Variants in CFTR observed in about 807,000 individuals in gnomAD.
CFTR encodes the protein cystic fibrosis transmembrane conductance regulator.
Under a neutral mutation model 171.6 loss-of-function variants are expected in CFTR, and 181 were observed. That is an observed-to-expected ratio of 1.05 (90% CI 0.93 to 1.19). CFTR has a LOEUF of 1.19. CFTR is among the 50% of genes most tolerant of loss of function. The probability of loss-of-function intolerance (pLI) is 0.00; values close to 1 mark genes in which losing one functional copy is unlikely to be tolerated. For synonymous variants in CFTR, 583 were observed against 608.0 expected (o/e 0.96, Z 0.60); for missense variants, 1,968 against 1,734.7 (o/e 1.13, Z -2.39).
rs185555528 is a variant in CFTR at position 117,506,482 on chromosome 7, G to A, written c.164+2119G>A. Among the ~76,000 whole-genome samples, 72 of 152,282 alleles carry A rather than the reference G, an allele frequency of 4.7e-4. No homozygotes were observed. The East Asian group carries it at 0.013, about 27-fold the overall frequency. On this transcript the variant is annotated intron_variant, in intron 2 of 26. Transcript: ENST00000003084. ...GCTGGTCTTGAACTCCTGACCTCAA[G>A]TGATCTGCCCACCTTGGCCTCCCAA...
chr7:117,625,956 T>C (rs1792643101), intron 21 of CFTR, among the ~76,000 whole-genome samples: 2 of 152,142 alleles, frequency 1.3e-5, no homozygotes, highest in South Asian at 2.1e-4. Context: ...ATATTACATG[T>C]GGAACAATCA....
At chr7:117,488,572 T>C (rs1798109219) in intron 1 of CFTR, among the ~76,000 whole-genome samples, 1 of 152,148 alleles carries the variant, frequency 6.6e-6, no homozygotes, top group African/African-American at 2.4e-5. Context: ...CTCTATCTTA[T>C]CTATCTTGTG....
At position 117,548,626 on chromosome 7, in the gene CFTR, G is replaced by GT. The variant is rs775751830; in HGVS notation, c.1210-14dup. 11 of 1,480,840 alleles carry GT rather than the reference G, an allele frequency of 7.4e-6. No individual in the cohort carries two copies. The highest frequency in any genetic ancestry group is 3.6e-5 in the South Asian group (3 of 84,344). The allele number at this position is 1,480,840 out of a possible 1,614,324, so 91.7% of individuals were successfully genotyped here. A position where few individuals can be genotyped will look rare whatever the true frequency, so the allele number is the denominator to read the frequency against. ...TTTTGATGTGTGTGTGTGTGTGTGTGTGTTTTTTTAACAGGGATTTGGGGA... is the reference window on the plus strand; with the variant it reads ...TTTTGATGTGTGTGTGTGTGTGTGTGTTGTTTTTTTAACAGGGATTTGGGGA... On this transcript the variant is annotated splice_polypyrimidine_tract_variant and intron_variant, in intron 9 of 26. Transcript: ENST00000003084.
intron 3 of CFTR, among the ~76,000 whole-genome samples, chr7:117,529,475 C>A (rs1798819026): frequency 7.4e-6 from 1 of 135,910 alleles, no homozygotes; most frequent in Non-Finnish European, 1.5e-5. Context: ...ATGTAACTAA[C>A]CTGCACAATG....
rs148878126 is a variant in CFTR at position 117,664,816 on chromosome 7, G to A, written c.4092G>A (p.Ala1364=). 3.0e-5 allele frequency: 48 copies of A among 1,613,856 alleles called. No individual in the cohort carries two copies. The highest frequency in any genetic ancestry group is 2.3e-4 in the African/African-American group (17 of 74,886). The part of the protein sequence containing the change: ...MCLARSVLSK[A]KILLLDEPSA... ...TGGCTAGATCTGTTCTCAGTAAGGC[G>A]AAGATCTTGCTGCTTGATGAACCCA... The change falls in exon 25 of 27, where the codon GCG becomes GCA. Residue 1364 remains alanine (A), a synonymous_variant. Transcript: ENST00000003084.
intron 22 of CFTR, among the ~76,000 whole-genome samples, chr7:117,638,322 G>A (rs1488888615): frequency 6.6e-6 from 1 of 152,132 alleles, no homozygotes; most frequent in Admixed American, 6.5e-5. Context: ...TCAGAATCTG[G>A]AAGTCCTGTT....
At chr7:117,548,616 G>A in intron 9 of CFTR, 25 bp from the exon 10 acceptor site, 1 of 1,608,520 alleles carries the variant, frequency 6.2e-7, no homozygotes, top group Non-Finnish European at 8.5e-7. Context: ...ATGTGTGTGT[G>A]TGTGTGTGTG....
chr7:117,520,806 CTGTGCTTGGTAT>C (rs1424166178), intron 3 of CFTR, among the ~76,000 whole-genome samples: 1 of 151,814 alleles, frequency 6.6e-6, no homozygotes, highest in Non-Finnish European at 1.5e-5. Context: ...AATGGATATT[CTGTGCTTGGTAT>C]TGTGCATGGT....
chr7:117,509,173 A>T (rs756022772), intron 3 of CFTR, 31 bp downstream of exon 3: 8 of 1,164,562 alleles, frequency 6.9e-6, no homozygotes, highest in Non-Finnish European at 1.0e-5. Context: ...TTCATTATGT[A>T]TCACATAACT....
At chr7:117,535,785 C>T (rs536487605) in intron 6 of CFTR, among the ~76,000 whole-genome samples, 207 of 152,180 alleles carry the variant, frequency 1.4e-3, no homozygotes, top group African/African-American at 4.9e-3. Context: ...CCGCCCACCT[C>T]GGCCTCCCAA....
In CFTR at chr7:117,603,694, T is replaced by G. The variant is rs60887846; in HGVS notation, c.2820T>G (p.Thr940=). The G allele has an allele frequency of 2.4e-4, 393 of 1,614,126 alleles. 2 individuals carry two copies. The African/African-American group carries it at 4.5e-3, about 18-fold the overall frequency. ...GFFRGLPLVH[T]LITVSKILHH... is the part of the protein sequence containing the mutation. ...TCAGAGGTCTACCACTGGTGCATAC[T>G]CTAATCACAGTGTCGAAAATTTTAC... The change falls in exon 17 of 27, where the codon ACT becomes ACG. Residue 940 remains threonine, a synonymous_variant. Coordinates refer to ENST00000003084, the MANE Select transcript of CFTR (RefSeq NM_000492.4).
At chr7:117,600,121 G>A (rs79911188) in intron 15 of CFTR, among the ~76,000 whole-genome samples, 1,536 of 151,740 alleles carry the variant, frequency 0.01, 32 homozygotes, top group African/African-American at 0.033. Context: ...TTTCTTCAAA[G>A]CTATTAAACT....
intron 23 of CFTR, among the ~76,000 whole-genome samples, chr7:117,651,037 C>G (rs572999425): frequency 1.3e-5 from 2 of 152,254 alleles, no homozygotes; most frequent in African/African-American, 2.4e-5. Context: ...GCTGTTTCTT[C>G]ATGTACGTAA....
rs771067621 is a variant in CFTR, at chr7:117,522,388, C to T, written c.274-8511C>T. Among the ~76,000 whole-genome samples the T allele has an allele frequency of 5.9e-5, 9 of 152,184 alleles. No individual in the cohort carries two copies. In the South Asian group the frequency reaches 1.0e-3, roughly 18 times the overall value. On this transcript the variant is annotated intron_variant, in intron 3 of 26. Transcript: ENST00000003084. The stretch of plus-strand genomic sequence containing the variant: ...TCAGTGAGGAAAACTGTCCAGAGCG[C>T]GGAAGAGACTAAAATAACACAGCCA...
chr7:117,598,943 G>A (rs911036339), intron 15 of CFTR, among the ~76,000 whole-genome samples: 8 of 152,260 alleles, frequency 5.3e-5, no homozygotes, highest in Non-Finnish European at 7.4e-5. Flanking sequence ...GTTTGTTGCT[G>A]TTATCATTAA....
chr7:117,551,328 G>T (rs1241852450), intron 10 of CFTR, among the ~76,000 whole-genome samples: 1 of 152,202 alleles, frequency 6.6e-6, no homozygotes, highest in Non-Finnish European at 1.5e-5. Flanking sequence ...TTATGTACAA[G>T]TTACAAAATG....
At position 117,614,702 on chromosome 7, in the gene CFTR, G is replaced by C; in HGVS notation, c.3457G>C (p.Val1153Leu). The change falls in exon 21 of 27, where the codon GTG becomes CTG. Residue 1153 changes from valine to leucine, a missense_variant. Transcript: ENST00000003084. ...GTGGGCTGTAAACTCCAGCATAGAT[G>C]TGGATAGCTTGGTAAGTCTTATCAT... ...LQWAVNSSIDVDSLMRSVSRV... is the reference protein window; with the variant it reads ...LQWAVNSSIDLDSLMRSVSRV... The C allele has an allele frequency of 1.2e-6, 2 of 1,609,586 alleles. No individual in the cohort carries two copies. The highest frequency in any genetic ancestry group is 2.7e-5 in the African/African-American group (2 of 74,862).
chr7:117,597,885 A>G (rs1792160305), intron 15 of CFTR, among the ~76,000 whole-genome samples: 1 of 151,950 alleles, frequency 6.6e-6, no homozygotes, highest in Non-Finnish European at 1.5e-5. Context: ...CCTCATCGAC[A>G]CAAGAGGTGC....
chr7:117,556,766 G>T (rs1207795482), intron 10 of CFTR, among the ~76,000 whole-genome samples: 1 of 150,870 alleles, frequency 6.6e-6, no homozygotes, highest in African/African-American at 2.4e-5. Flanking sequence ...TGATCCGCCC[G>T]CCTCGGCCTC....
Sources: gnomAD v4.1 joint callset for allele counts (sites outside exome capture counted in the v4.1 genomes callset) on GRCh38, gnomAD v4.1.1 for gene constraint, MANE v1.5 for transcripts, NCBI Gene and HGNC (gene_info 2026-07-23, HGNC 2026-07-21) for gene names.